The following TSHR variants were observed in gnomAD, a reference collection of about 807,000 sequenced individuals.
TSHR encodes thyroid stimulating hormone receptor.
TSHR carries 51 observed loss-of-function variants against 64.1 expected under a neutral mutation model. The observed-to-expected ratio is 0.80, with a 90% CI of 0.64 to 1.01. TSHR has a LOEUF of 1.01. TSHR is among the 50% of genes least tolerant of loss of function. TSHR has a pLI of 0.00. For missense variants in TSHR, 877 were observed against 942.8 expected, an observed-to-expected ratio of 0.93 and a Z score of 0.91; for synonymous variants, 361 against 361.9, an observed-to-expected ratio of 1.00 and a Z score of 0.03.
At chr14:81,003,105 T>G (rs1040956860) in intron 1 of TSHR, among the ~76,000 whole-genome samples, 1 of 151,872 alleles carries the variant, frequency 6.6e-6, no homozygotes, top group Non-Finnish European at 1.5e-5. Flanking sequence ...TAACTGCCAG[T>G]TTAAAAGACT....
intron 1 of TSHR, among the ~76,000 whole-genome samples, chr14:81,058,866 A>G (rs1410885954): frequency 6.6e-6 from 1 of 152,224 alleles, no homozygotes; most frequent in Non-Finnish European, 1.5e-5. Context: ...TAATCACAAT[A>G]TCACAAGATT....
intron 2 of TSHR, among the ~76,000 whole-genome samples, chr14:81,064,179 G>A (rs1221156431): frequency 6.6e-6 from 1 of 152,114 alleles, no homozygotes; most frequent in Non-Finnish European, 1.5e-5. Context: ...GAGCAAGGCT[G>A]TAGGCAGGAA....
intron 1 of TSHR, among the ~76,000 whole-genome samples, chr14:81,060,115 A>C (rs977661242): frequency 5.3e-5 from 8 of 152,112 alleles, no homozygotes; most frequent in Admixed American, 5.2e-4. Flanking sequence ...ACATGGGCTA[A>C]ACTCAAAAAA....
intron 4 of TSHR, among the ~76,000 whole-genome samples, chr14:81,088,381 G>A (rs539767721): frequency 1.3e-5 from 2 of 152,202 alleles, no homozygotes; most frequent in African/African-American, 2.4e-5. Context: ...TATTAGAGTG[G>A]CTGTTACACA....
intron 1 of TSHR, among the ~76,000 whole-genome samples, chr14:81,027,669 G>GA (rs1199359386): frequency 1.1e-4 from 16 of 151,906 alleles, no homozygotes; most frequent in Non-Finnish European, 2.2e-4. Context: ...AAACGTAGGG[G>GA]AAAAAAACCT....
At chr14:80,987,022 T>G (rs905883763) in intron 1 of TSHR, among the ~76,000 whole-genome samples, 1 of 152,194 alleles carries the variant, frequency 6.6e-6, no homozygotes, top group Non-Finnish European at 1.5e-5. Flanking sequence ...GGCCTGTTTT[T>G]CCCAACATTC....
At chr14:81,034,222 C>G (rs1032955661) in intron 1 of TSHR, among the ~76,000 whole-genome samples, 3 of 152,200 alleles carry the variant, frequency 2.0e-5, no homozygotes, top group Non-Finnish European at 4.4e-5. Flanking sequence ...TCTTCAGAAA[C>G]AATTTCAGAG....
intron 1 of TSHR, among the ~76,000 whole-genome samples, chr14:81,028,601 G>T (rs1884193546): frequency 6.6e-6 from 1 of 152,048 alleles, no homozygotes; most frequent in African/African-American, 2.4e-5. Context: ...TTGGATTACG[G>T]TAATATAAGA....
At chr14:80,983,105 C>G in intron 1 of TSHR, 2 of 675,898 alleles carry the variant, frequency 3.0e-6, no homozygotes, top group Non-Finnish European at 5.1e-6. Flanking sequence ...AAAGCTTGCT[C>G]AGTTTTCCTT....
Position 81,068,304 on chromosome 14 carries a change from A to G in TSHR, c.293A>G (p.Tyr98Cys), listed in dbSNP as rs2139910203. The G allele has an allele frequency of 6.2e-7, 1 of 1,613,224 alleles. No individual in the cohort carries two copies. The highest frequency in any genetic ancestry group is 8.5e-7 in the Non-Finnish European group (1 of 1,179,428). The change falls in exon 3 of 10, where the codon TAC becomes TGC. Residue 98 changes from tyrosine to cysteine, a missense_variant. By Grantham distance (194) the Tyr-to-Cys change is radical. Transcript: ENST00000298171. ...CAGCAGCTGGAATCACACTCCTTCTACAATTTGAGTAAAGTGACTCACATG... is the reference window on the plus strand; with the variant it reads ...CAGCAGCTGGAATCACACTCCTTCTGCAATTTGAGTAAAGTGACTCACATG... ...TLQQLESHSF[Y>C]NLSKVTHIEI... is the part of the protein sequence containing the mutation.
At position 80,966,517 on chromosome 14, in the gene TSHR, A is replaced by G. The variant is rs931719812; in HGVS notation, c.170+10667A>G. Among the ~76,000 whole-genome samples, 10 of 152,188 alleles carry G rather than the reference A, an allele frequency of 6.6e-5. No individual in the cohort carries two copies. In the East Asian group the frequency reaches 1.9e-3, roughly 29 times the overall value. On this transcript the variant is annotated intron_variant, in intron 1 of 9. Transcript: ENST00000298171. ...TGATCACCTATCATACACTAGTACT[A>G]TTCTAGGCATTGATATATAATAAAC... is the stretch of plus-strand genomic sequence containing the variant.
intron 1 of TSHR, chr14:80,983,166 C>A: frequency 1.0e-6 from 1 of 987,962 alleles, no homozygotes; most frequent in Non-Finnish European, 1.5e-6. Context: ...TACTCTGAAT[C>A]CTCCTTCTGG....
chr14:81,052,727 A>C (rs992320371), intron 1 of TSHR: 2 of 152,084 alleles, frequency 1.3e-5, no homozygotes, highest in Non-Finnish European at 2.9e-5. Context: ...TCAATGTTTT[A>C]TAGTTTTCAG....
chr14:80,969,863 C>CT (rs1887508680), intron 1 of TSHR, among the ~76,000 whole-genome samples: 1 of 152,190 alleles, frequency 6.6e-6, no homozygotes, highest in South Asian at 2.1e-4. Context: ...CCTAGACTTT[C>CT]TTGTTCTCTG....
At chr14:80,985,160 G>C (rs1210913812) in intron 1 of TSHR, among the ~76,000 whole-genome samples, 1 of 152,252 alleles carries the variant, frequency 6.6e-6, no homozygotes, top group Non-Finnish European at 1.5e-5. Context: ...TGAGGCAGGA[G>C]AATGGCGTGA....
intron 1 of TSHR, among the ~76,000 whole-genome samples, chr14:81,022,320 C>T (rs1462134486): frequency 6.6e-6 from 1 of 152,054 alleles, no homozygotes; most frequent in South Asian, 2.1e-4. Flanking sequence ...TTACTGTGGG[C>T]ATGATAATTG....
chr14:81,052,332 C>T (rs1396763258), intron 1 of TSHR: 1 of 152,126 alleles, frequency 6.6e-6, no homozygotes, highest in Non-Finnish European at 1.5e-5. Flanking sequence ...TTCTTGGCAC[C>T]TTTGTTGAAA....
At chr14:80,972,458 T>A (rs1887631277) in intron 1 of TSHR, among the ~76,000 whole-genome samples, 1 of 152,212 alleles carries the variant, frequency 6.6e-6, no homozygotes, top group Admixed American at 6.5e-5. Flanking sequence ...TTTTGACTTT[T>A]ATGTCACAGC....
At chr14:81,026,755 G>A (rs188553605) in intron 1 of TSHR, among the ~76,000 whole-genome samples, 31 of 152,276 alleles carry the variant, frequency 2.0e-4, no homozygotes, top group African/African-American at 6.0e-4. Context: ...AAAGCTTTGG[G>A]CCAGGCACAG....
Sources: allele counts gnomAD v4.1 joint callset (sites outside exome capture counted in the v4.1 genomes callset), GRCh38; gene constraint gnomAD v4.1.1; transcripts MANE v1.5; gene names NCBI Gene and HGNC (gene_info 2026-07-23, HGNC 2026-07-21).